The following CASZ1 variants were observed in gnomAD, a reference collection of about 807,000 sequenced individuals.
CASZ1 encodes the protein castor zinc finger 1, also known as zinc finger protein castor homolog 1.
A neutral mutation model predicts 135.2 loss-of-function variants in CASZ1; 28 were observed. The observed-to-expected ratio is 0.21, with a 90% CI of 0.15 to 0.28. The LOEUF (loss-of-function observed/expected upper bound fraction) is 0.28, where lower values mean the gene tolerates loss of function less well. CASZ1 is among the 10% of genes least tolerant of loss of function. The pLI is 1.00. For synonymous variants in CASZ1, 1,068 were observed against 1,073.4 expected, an observed-to-expected ratio of 0.99 and a Z score of 0.10; for missense variants, 2,161 against 2,453.3, an observed-to-expected ratio of 0.88 and a Z score of 2.52.
chr1:10,647,520 C>T lies in CASZ1; in HGVS notation c.3497+281G>A. On this transcript the variant is annotated intron_variant, in intron 16 of 20. Coordinates refer to ENST00000377022, the MANE Select transcript of CASZ1 (RefSeq NM_001079843.3). This position sits in a 1 kb window ranked among gnomAD's most constrained non-coding sequence, Gnocchi z 4.9. ...TCCTCTGAGGACCACCACGCCCAGT[C>T]CACCCCACCTGGCCCTGGCAGGATC... 2 of 1,343,220 alleles carry T rather than the reference C, an allele frequency of 1.5e-6. No homozygotes were observed. Among genetic ancestry groups the T allele is most frequent in the Non-Finnish European group, 1.9e-6 (2 of 1,042,052 alleles). The allele number at this position is 1,343,220 out of a possible 1,614,324, so 83.2% of individuals were successfully genotyped here.
At chr1:10,659,245 G>C (rs558284043) in intron 6 of CASZ1, among the ~76,000 whole-genome samples, 2 of 152,184 alleles carry the variant, frequency 1.3e-5, no homozygotes, top group East Asian at 3.9e-4. Flanking sequence ...CCAGGGTGGC[G>C]CCTTCTCAGC....
rs1418541507 is a variant in CASZ1, at chr1:10,660,516, C to A, written c.526G>T (p.Asp176Tyr). ...QASGEASSLR[D>Y]YAASTMTEFL... ...TCGGTCATGGTGGAGGCCGCGTAGT[C>A]CCGCAGCGAGGAGGCCTCTCCTGCA... The change falls in exon 6 of 21, where the codon GAC becomes TAC. Residue 176 changes from aspartate to tyrosine, a missense_variant. Physicochemically the swap from Asp to Tyr is radical, Grantham distance 160. Transcript: ENST00000377022. 1.2e-6 allele frequency: 2 copies of A among 1,613,172 alleles called. No individual in the cohort carries two copies. The highest frequency in any genetic ancestry group is 4.5e-5 in the East Asian group (2 of 44,852).
At chr1:10,681,346 C>T (rs1224438957) in intron 4 of CASZ1, among the ~76,000 whole-genome samples, 1 of 152,112 alleles carries the variant, frequency 6.6e-6, no homozygotes, top group African/African-American at 2.4e-5. Flanking sequence ...GATCAAAGGG[C>T]ACAGCCCAGA....
At chr1:10,738,440 G>C (rs921569776) in intron 2 of CASZ1, among the ~76,000 whole-genome samples, 1 of 152,252 alleles carries the variant, frequency 6.6e-6, no homozygotes, top group African/African-American at 2.4e-5. Context: ...GCCGGGGAAG[G>C]GGGAGGACAA....
intron 1 of CASZ1, among the ~76,000 whole-genome samples, chr1:10,763,342 G>A (rs529863538): frequency 1.2e-4 from 18 of 152,274 alleles, no homozygotes; most frequent in Non-Finnish European, 2.2e-4. Context: ...TTCTGTCCCC[G>A]AAACCTCCAT....
intron 2 of CASZ1, among the ~76,000 whole-genome samples, chr1:10,714,930 C>A (rs1260557276): frequency 6.6e-6 from 1 of 152,160 alleles, no homozygotes; most frequent in African/African-American, 2.4e-5. Context: ...CCATGCCAGT[C>A]CTGTTGCTCC....
At chr1:10,658,690 C>A (rs1642893020) in intron 6 of CASZ1, 114 bp from the exon 7 acceptor site, 1 of 888,408 alleles carries the variant, frequency 1.1e-6, no homozygotes, top group Non-Finnish European at 1.8e-6. Flanking sequence ...CTCTGCTCTG[C>A]AGTGTCCGAG....
rs747482073 is a variant in CASZ1, at chr1:10,700,950, C to T, written c.-24+4542G>A. On this transcript the variant is annotated intron_variant, in intron 3 of 20. Transcript: ENST00000377022. The surrounding 1 kb of genome is among the most constrained non-coding windows in gnomAD (Gnocchi z 4.2). ...CGGTTATTAAAAAGTGGGGGAAAGA[C>T]GGGGGATCATATTAGCACTTCCTGA... Among the ~76,000 whole-genome samples the T allele has an allele frequency of 2.0e-5, 3 of 152,084 alleles. No homozygotes were observed. Among genetic ancestry groups the T allele is most frequent in the East Asian group, 3.9e-4 (2 of 5,194 alleles).
intron 2 of CASZ1, among the ~76,000 whole-genome samples, chr1:10,737,905 A>T (rs1286551426): frequency 1.3e-5 from 2 of 152,244 alleles, no homozygotes; most frequent in Admixed American, 1.3e-4. Context: ...CGCTGGGTGC[A>T]GTCAGGCAGT....
intron 15 of CASZ1, 51 bp from the exon 16 acceptor site, chr1:10,648,190 G>A: frequency 2.3e-6 from 3 of 1,315,372 alleles, no homozygotes; most frequent in Non-Finnish European, 3.1e-6. Context: ...AGACAGGTGT[G>A]GAGGGGCATG....
rs889802629 is a variant in CASZ1, at chr1:10,724,705, G to T, written c.-76-19161C>A. Among the ~76,000 whole-genome samples the T allele has an allele frequency of 5.3e-5, 8 of 152,308 alleles. No individual in the cohort carries two copies. Among genetic ancestry groups the T allele is most frequent in the Middle Eastern group, 3.4e-3 (1 of 294 alleles). ...TTGCCCCTGGTCTTCGCTCAGAGGG[G>T]CACCCCAAGGGCACTGCCCAGCCAG... On this transcript the variant is annotated intron_variant, in intron 2 of 20. Transcript: ENST00000377022. This position sits in a 1 kb window ranked among gnomAD's most constrained non-coding sequence, Gnocchi z 4.1.
rs1171158662 is a variant in CASZ1, at chr1:10,694,584, CCCGCCGCCG to C, written c.-23-681_-23-673del. On this transcript the variant is annotated intron_variant, in intron 3 of 20. Coordinates refer to ENST00000377022, the MANE Select transcript of CASZ1 (RefSeq NM_001079843.3). This position sits in a 1 kb window ranked among gnomAD's most constrained non-coding sequence, Gnocchi z 6.6. ...GGCAGGTGAAAGAGCAGAGCGCGGC[CCCGCCGCCG>C]CCGCCGCCGCCGCCGCCGCCGCCGC... 0.059 allele frequency: 8,041 copies of C among 137,396 alleles called. 408 individuals are homozygous for C. The highest frequency in any genetic ancestry group is 0.13 in the African/African-American group (4,954 of 37,238). The allele number at this position is 137,396 out of a possible 1,614,324, so 8.5% of individuals were successfully genotyped here.
rs1420486510 is a variant in CASZ1 at position 10,639,331 on chromosome 1, A to G, written c.4891T>C (p.Phe1631Leu). ...AGGCCGGCGGCCGCCGACTGCAGGA[A>G]GAGCAGCGAGCCCGGCTCGGCGCCC... ...SLGAEPGSLL[F>L]LQSAAAGLGL... is the part of the protein sequence containing the mutation. The change falls in exon 21 of 21, where the codon TTC becomes CTC. Residue 1631 changes from phenylalanine to leucine, a missense_variant. Physicochemically the swap from Phe to Leu is conservative, Grantham distance 22 (BLOSUM62 0). Coordinates refer to ENST00000377022, the MANE Select transcript of CASZ1 (RefSeq NM_001079843.3). This position sits in a 1 kb window ranked among gnomAD's most constrained non-coding sequence, Gnocchi z 4.0. 1 of 1,484,916 alleles carries G rather than the reference A, an allele frequency of 6.7e-7. No individual in the cohort carries two copies. The highest frequency in any genetic ancestry group is 8.9e-7 in the Non-Finnish European group (1 of 1,125,606). The allele number at this position is 1,484,916 out of a possible 1,614,324, so 92.0% of individuals were successfully genotyped here. A position where few individuals can be genotyped will look rare whatever the true frequency, so the allele number is the denominator to read the frequency against.
rs1398114715 is a variant in CASZ1, at chr1:10,646,077, G to C, written c.3696+51C>G. The C allele has an allele frequency of 1.3e-6, 2 of 1,572,006 alleles. No homozygotes were observed. Among genetic ancestry groups the C allele is most frequent in the African/African-American group, 2.7e-5 (2 of 74,066 alleles). Reference sequence around the variant, plus strand: ...CTGTCCTGTGCCCTGAGCTAGCCCTGCACCTCCCTGCCCCCTACTCTGCCC... The same window carrying C: ...CTGTCCTGTGCCCTGAGCTAGCCCTCCACCTCCCTGCCCCCTACTCTGCCC... On this transcript the variant is annotated intron_variant, in intron 17 of 20. Transcript: ENST00000377022. This position sits in a 1 kb window ranked among gnomAD's most constrained non-coding sequence, Gnocchi z 6.4.
At chr1:10,691,636 C>T (rs772579295) in intron 4 of CASZ1, among the ~76,000 whole-genome samples, 5 of 152,230 alleles carry the variant, frequency 3.3e-5, no homozygotes, top group South Asian at 2.1e-4. Flanking sequence ...CGGCCAGAGA[C>T]GAGGCCCATG....
At position 10,747,237 on chromosome 1, in the gene CASZ1, G is replaced by A. The variant is rs898830276; in HGVS notation, c.-77+13464C>T. Among the ~76,000 whole-genome samples the A allele has an allele frequency of 1.3e-5, 2 of 152,234 alleles. No homozygotes were observed. The highest frequency in any genetic ancestry group is 2.9e-5 in the Non-Finnish European group (2 of 68,036). On this transcript the variant is annotated intron_variant, in intron 2 of 20. Coordinates refer to ENST00000377022, the MANE Select transcript of CASZ1 (RefSeq NM_001079843.3). This position sits in a 1 kb window ranked among gnomAD's most constrained non-coding sequence, Gnocchi z 4.3. Reference sequence around the variant, plus strand: ...CACCTGAGACTAAGGGTGGGGCTGGGAAGCAAAGGGGAAGCCGTCCTTGGG... The same window carrying A: ...CACCTGAGACTAAGGGTGGGGCTGGAAAGCAAAGGGGAAGCCGTCCTTGGG...
At chr1:10,750,986 G>T (rs1156400898) in intron 2 of CASZ1, among the ~76,000 whole-genome samples, 1 of 151,612 alleles carries the variant, frequency 6.6e-6, no homozygotes, top group Non-Finnish European at 1.5e-5. Context: ...GGATTTGAGA[G>T]CTGCTGCGTG....
Position 10,640,041 on chromosome 1 carries a change from G to A in CASZ1, c.4181C>T (p.Pro1394Leu). The A allele has an allele frequency of 6.2e-7, 1 of 1,607,794 alleles. No homozygotes were observed. The highest frequency in any genetic ancestry group is 1.1e-5 in the South Asian group (1 of 91,018). ...GCGCTTTTTGGCCCCCGAGGCTGTCGGCATAGAGATGGTGTTCCCTGGGGA... is the reference window on the plus strand; with the variant it reads ...GCGCTTTTTGGCCCCCGAGGCTGTCAGCATAGAGATGGTGTTCCCTGGGGA... The part of the protein sequence containing the change: ...STAAGNTISM[P>L]TASGAKKRFW... Residue 1394 changes from proline (P) to leucine (L), a missense_variant, in exon 21 of 21, where the codon CCG (proline) becomes CTG (leucine). Transcript: ENST00000377022.
Position 10,694,198 on chromosome 1 carries a change from G to C in CASZ1, c.-23-286C>G. ...GGGGCCCTGGCCGGGGGATCCGCGAGGCCCAGGGGCGCCCCCGTCCCGCCG... is the reference window on the plus strand; with the variant it reads ...GGGGCCCTGGCCGGGGGATCCGCGACGCCCAGGGGCGCCCCCGTCCCGCCG... On this transcript the variant is annotated intron_variant, in intron 3 of 20. Transcript: ENST00000377022. The surrounding 1 kb of genome is among the most constrained non-coding windows in gnomAD (Gnocchi z 6.6). 2.9e-6 allele frequency: 1 copy of C among 342,286 alleles called. No homozygotes were observed. The highest frequency in any genetic ancestry group is 4.2e-6 in the Non-Finnish European group (1 of 240,680). The allele number at this position is 342,286 out of a possible 1,614,324, so 21.2% of individuals were successfully genotyped here.
Sources: allele counts gnomAD v4.1 joint callset (sites outside exome capture counted in the v4.1 genomes callset), GRCh38; gene constraint gnomAD v4.1.1; non-coding constraint Gnocchi (gnomAD v3.1); transcripts MANE v1.5; gene names NCBI Gene and HGNC (gene_info 2026-07-23, HGNC 2026-07-21).